Variants in HS3ST4 observed in about 807,000 individuals in gnomAD.
The protein encoded by HS3ST4 is heparan sulfate-glucosamine 3-sulfotransferase 4.
In HS3ST4, 17 loss-of-function variants were observed where a neutral mutation model predicts 29.2. That is an observed-to-expected ratio of 0.58 (90% confidence interval 0.40 to 0.87). HS3ST4 has a LOEUF of 0.87. Ranked by LOEUF, HS3ST4 falls within the 40% of genes least tolerant of loss-of-function variation. The pLI is 0.00. For synonymous variants in HS3ST4, 314 were observed against 285.7 expected (o/e 1.10, Z -1.00); for missense variants, 627 against 634.5 (o/e 0.99, Z 0.13).
intron 1 of HS3ST4, among the ~76,000 whole-genome samples, chr16:26,019,306 C>G (rs1008202920): frequency 5.9e-5 from 9 of 152,182 alleles, no homozygotes; most frequent in African/African-American, 2.2e-4. Flanking sequence ...ACGTCCCAAT[C>G]ATTCTGGTCT....
At chr16:26,069,005 G>A (rs915214480) in intron 1 of HS3ST4, among the ~76,000 whole-genome samples, 3 of 152,148 alleles carry the variant, frequency 2.0e-5, no homozygotes, top group African/African-American at 7.2e-5. Flanking sequence ...AGGCTGGAGT[G>A]CAGTGACTCA....
chr16:26,108,316 C>G (rs1284034657), intron 1 of HS3ST4, among the ~76,000 whole-genome samples: 3 of 152,134 alleles, frequency 2.0e-5, no homozygotes, highest in Non-Finnish European at 4.4e-5. Flanking sequence ...GGTTGGGTTA[C>G]TCTCTGAGCC....
Position 26,136,241 on chromosome 16 carries a change from A to G in HS3ST4, c.1364A>G (p.Asp455Gly). The G allele has an allele frequency of 5.6e-6, 9 of 1,611,864 alleles. No individual in the cohort carries two copies. Among genetic ancestry groups the G allele is most frequent in the Non-Finnish European group, 6.8e-6 (8 of 1,179,332 alleles). Reference sequence around the variant, plus strand: ...TTTCAGTGGGAACAGGAAGAGGGTGATAAATGAGGCTAGAGAGGCAGAGGA... The same window carrying G: ...TTTCAGTGGGAACAGGAAGAGGGTGGTAAATGAGGCTAGAGAGGCAGAGGA... ...QDFQWEQEEG[D>G]K is the part of the protein sequence containing the mutation. The change falls in exon 2 of 2, where the codon GAT (aspartate) becomes GGT (glycine). Residue 455 changes from aspartate to glycine, a missense_variant. Asp to Gly is a moderately conservative substitution (Grantham distance 94, BLOSUM62 -1). Coordinates refer to ENST00000331351, the MANE Select transcript of HS3ST4 (RefSeq NM_006040.3).
intron 1 of HS3ST4, among the ~76,000 whole-genome samples, chr16:25,797,189 G>T (rs75836368): frequency 1.3e-5 from 2 of 152,190 alleles, no homozygotes; most frequent in African/African-American, 4.8e-5. Flanking sequence ...GAAAAACCAC[G>T]TAGACAGGTT....
intron 1 of HS3ST4, among the ~76,000 whole-genome samples, chr16:25,989,577 T>C (rs1969096942): frequency 6.6e-6 from 1 of 152,220 alleles, no homozygotes; most frequent in East Asian, 1.9e-4. Flanking sequence ...TTCTTTAACA[T>C]AGGCATTTAC....
At chr16:26,015,809 C>T (rs1969357454) in intron 1 of HS3ST4, among the ~76,000 whole-genome samples, 1 of 152,164 alleles carries the variant, frequency 6.6e-6, no homozygotes, top group South Asian at 2.1e-4. Context: ...AGGCCAAATT[C>T]CTTACTTCAC....
chr16:26,013,082 G>T (rs963555542), intron 1 of HS3ST4, among the ~76,000 whole-genome samples: 2 of 152,124 alleles, frequency 1.3e-5, no homozygotes, highest in Non-Finnish European at 2.9e-5. Context: ...AGAATCGCTT[G>T]AACTCAAGAG....
At chr16:26,098,913 G>A (rs1035344531) in intron 1 of HS3ST4, among the ~76,000 whole-genome samples, 9 of 152,048 alleles carry the variant, frequency 5.9e-5, no homozygotes, top group Non-Finnish European at 8.8e-5. Flanking sequence ...AAGGCAACCT[G>A]CGGATACGGT....
chr16:25,774,144 G>A (rs1966845406), intron 1 of HS3ST4, among the ~76,000 whole-genome samples: 1 of 152,092 alleles, frequency 6.6e-6, no homozygotes, highest in Admixed American at 6.5e-5. Flanking sequence ...GTGTGATTGG[G>A]GAACAGGATG....
intron 1 of HS3ST4, among the ~76,000 whole-genome samples, chr16:25,934,573 G>A (rs951434236): frequency 2.6e-5 from 4 of 152,294 alleles, no homozygotes; most frequent in Admixed American, 6.5e-5. Context: ...CAGTTGAGGT[G>A]CATATAAAGG....
intron 1 of HS3ST4, among the ~76,000 whole-genome samples, chr16:26,059,926 T>C (rs1052931231): frequency 3.9e-5 from 6 of 151,966 alleles, no homozygotes; most frequent in African/African-American, 1.4e-4. Flanking sequence ...TACAGGTGCC[T>C]GCCACCACGC....
intron 1 of HS3ST4, among the ~76,000 whole-genome samples, chr16:25,974,345 T>C (rs1445316867): frequency 6.6e-6 from 1 of 152,164 alleles, no homozygotes; most frequent in Non-Finnish European, 1.5e-5. Flanking sequence ...ACATCTTAGA[T>C]AGTATTATGG....
chr16:26,030,395 A>T (rs376034309), intron 1 of HS3ST4, among the ~76,000 whole-genome samples: 2 of 152,258 alleles, frequency 1.3e-5, no homozygotes, highest in African/African-American at 4.8e-5. Flanking sequence ...ACCGGGTGAG[A>T]CGCCGTCTCT....
intron 1 of HS3ST4, among the ~76,000 whole-genome samples, chr16:25,875,591 A>G (rs1283081070): frequency 6.6e-6 from 1 of 152,102 alleles, no homozygotes; most frequent in Non-Finnish European, 1.5e-5. Context: ...GCCCCTTGAT[A>G]TCTGTCACAC....
At chr16:25,700,324 A>G (rs907097181) in intron 1 of HS3ST4, among the ~76,000 whole-genome samples, 2 of 152,118 alleles carry the variant, frequency 1.3e-5, no homozygotes, top group Non-Finnish European at 2.9e-5. Context: ...AATGGATGCC[A>G]CTTGCCCCGG....
At chr16:25,900,057 A>C (rs746790789) in intron 1 of HS3ST4, among the ~76,000 whole-genome samples, 1 of 152,232 alleles carries the variant, frequency 6.6e-6, no homozygotes, top group Non-Finnish European at 1.5e-5. Context: ...AAGTTCTGTC[A>C]TGCATAGTTG....
At chr16:25,996,982 T>G (rs1969164024) in intron 1 of HS3ST4, among the ~76,000 whole-genome samples, 1 of 152,180 alleles carries the variant, frequency 6.6e-6, no homozygotes, top group Non-Finnish European at 1.5e-5. Flanking sequence ...TTTTAAGTAT[T>G]TTTAGCTTTT....
At chr16:26,011,013 T>G (rs1044781588) in intron 1 of HS3ST4, among the ~76,000 whole-genome samples, 2 of 152,178 alleles carry the variant, frequency 1.3e-5, no homozygotes, top group Non-Finnish European at 2.9e-5. Context: ...CTCCACACAG[T>G]GTTCTGCCTA....
chr16:25,879,327 G>A (rs547013698), intron 1 of HS3ST4, among the ~76,000 whole-genome samples: 194 of 152,156 alleles, frequency 1.3e-3, no homozygotes, highest in African/African-American at 4.5e-3. Context: ...GTATTAGTCC[G>A]TTTTCATGTT....
Sources: allele counts gnomAD v4.1 joint callset (sites outside exome capture counted in the v4.1 genomes callset), GRCh38; gene constraint gnomAD v4.1.1; transcripts MANE v1.5; gene names NCBI Gene and HGNC (gene_info 2026-07-23, HGNC 2026-07-21).